Variants in GPC6 observed in about 807,000 individuals in gnomAD.
GPC6 encodes the protein glypican-6.
Under a neutral mutation model 55.2 loss-of-function variants are expected in GPC6, and 14 were observed. That is an observed-to-expected ratio of 0.25 (90% CI 0.17 to 0.40). The LOEUF (loss-of-function observed/expected upper bound fraction) is 0.40, where lower values mean the gene tolerates loss of function less well. Among genes scored for constraint, GPC6 ranks in the 10% least tolerant of loss-of-function variants. The pLI is 1.00. For missense variants in GPC6, 641 were observed against 708.5 expected (o/e 0.90, Z 1.08); for synonymous variants, 278 against 259.6 (o/e 1.07, Z -0.68).
chr13:93,706,265 C>G lies in GPC6; in HGVS notation c.320-123889C>G, dbSNP rs1018353859. Among the ~76,000 whole-genome samples the G allele has an allele frequency of 2.6e-5, 4 of 151,776 alleles. No individual in the cohort carries two copies. In the South Asian group the frequency reaches 8.3e-4, roughly 31 times the overall value. On this transcript the variant is annotated intron_variant, in intron 2 of 8. Coordinates refer to ENST00000377047, the MANE Select transcript of GPC6 (RefSeq NM_005708.5). Reference sequence around the variant, plus strand: ...TTAAATATTTTTGAAAATGCTTCTTCCTAAATAAAAAGATTAAGAAATGAA... The same window carrying G: ...TTAAATATTTTTGAAAATGCTTCTTGCTAAATAAAAAGATTAAGAAATGAA...
In GPC6 at chr13:94,026,748, C is replaced by T. The variant is rs561090416; in HGVS notation, c.712-981C>T. On this transcript the variant is annotated intron_variant, in intron 3 of 8. Transcript: ENST00000377047. Reference sequence around the variant, plus strand: ...TGGCTGAGGAGGTCTCAAGAAACTACAATCATGGCAGAAGGGGAAGCAAAC... The same window carrying T: ...TGGCTGAGGAGGTCTCAAGAAACTATAATCATGGCAGAAGGGGAAGCAAAC... 3.3e-5 allele frequency among the ~76,000 whole-genome samples: 5 copies of T among 152,060 alleles called. No individual in the cohort carries two copies. In the South Asian group the frequency reaches 8.3e-4, roughly 25 times the overall value.
At chr13:94,067,398 C>T (rs1481353552) in intron 4 of GPC6, among the ~76,000 whole-genome samples, 1 of 152,070 alleles carries the variant, frequency 6.6e-6, no homozygotes, top group Non-Finnish European at 1.5e-5. Flanking sequence ...CATTCCACAT[C>T]TGATATTCTT....
intron 2 of GPC6, among the ~76,000 whole-genome samples, chr13:93,773,479 G>A (rs538961839): frequency 7.2e-5 from 11 of 151,746 alleles, no homozygotes; most frequent in African/African-American, 9.7e-5. Context: ...TGTAGCTTAC[G>A]TACCCCAAAA....
intron 7 of GPC6, among the ~76,000 whole-genome samples, chr13:94,389,442 A>T (rs1414652418): frequency 6.6e-6 from 1 of 152,200 alleles, no homozygotes; most frequent in Non-Finnish European, 1.5e-5. Context: ...TAGCATATAC[A>T]GGTTAGAACT....
intron 6 of GPC6, among the ~76,000 whole-genome samples, chr13:94,330,067 A>G (rs1222062327): frequency 6.6e-6 from 1 of 152,234 alleles, no homozygotes; most frequent in East Asian, 1.9e-4. Context: ...ACACTGGAAC[A>G]GAGCAACTGT....
chr13:93,381,574 A>G (rs990410733), intron 1 of GPC6, among the ~76,000 whole-genome samples: 4 of 152,150 alleles, frequency 2.6e-5, no homozygotes, highest in African/African-American at 9.7e-5. Context: ...AACATGTCTC[A>G]CTGAGGCATT....
intron 6 of GPC6, among the ~76,000 whole-genome samples, chr13:94,348,131 T>C (rs1428729136): frequency 1.3e-5 from 2 of 152,218 alleles, no homozygotes; most frequent in African/African-American, 4.8e-5. Flanking sequence ...ATGGGTTTCT[T>C]TTAGCCTATA....
At chr13:93,386,911 C>T (rs1011514157) in intron 1 of GPC6, among the ~76,000 whole-genome samples, 2 of 152,144 alleles carry the variant, frequency 1.3e-5, no homozygotes, top group African/African-American at 4.8e-5. Context: ...CACACAACCT[C>T]CTTCCGTGTG....
intron 4 of GPC6, among the ~76,000 whole-genome samples, chr13:94,106,792 G>A (rs1381937087): frequency 6.6e-6 from 1 of 152,122 alleles, no homozygotes; most frequent in East Asian, 1.9e-4. Context: ...GATTAAAAGA[G>A]GAGAGATTGG....
intron 6 of GPC6, among the ~76,000 whole-genome samples, chr13:94,355,175 C>T (rs1473351770): frequency 6.6e-6 from 1 of 152,100 alleles, no homozygotes; most frequent in Non-Finnish European, 1.5e-5. Context: ...AGGCACCCAC[C>T]ACCACACCTG....
At chr13:93,558,146 T>C (rs1030724490) in intron 2 of GPC6, among the ~76,000 whole-genome samples, 1 of 152,186 alleles carries the variant, frequency 6.6e-6, no homozygotes, top group Admixed American at 6.5e-5. Context: ...GGGAAAAAAA[T>C]TTAGTTTTTC....
chr13:93,453,865 CTTCCACAGTGTGGAAGGGGACCTG>C (rs1328789875), intron 1 of GPC6, among the ~76,000 whole-genome samples: 12 of 152,094 alleles, frequency 7.9e-5, no homozygotes, highest in Non-Finnish European at 1.6e-4. Context: ...AAGAACAAAG[CTTCCACAGTGTGGAAGGGGACCTG>C]AGCGGGCTGC....
At chr13:94,204,797 C>T (rs1160914686) in intron 4 of GPC6, among the ~76,000 whole-genome samples, 3 of 152,096 alleles carry the variant, frequency 2.0e-5, no homozygotes, top group African/African-American at 4.8e-5. Flanking sequence ...TATAAGCAAC[C>T]GTATAGAACT....
chr13:94,083,715 G>A (rs1885187180), intron 4 of GPC6, among the ~76,000 whole-genome samples: 3 of 151,998 alleles, frequency 2.0e-5, no homozygotes, highest in African/African-American at 7.2e-5. Context: ...ATATCATTAA[G>A]ATTAATAAAG....
intron 2 of GPC6, among the ~76,000 whole-genome samples, chr13:93,733,590 T>A (rs1256960523): frequency 6.6e-6 from 1 of 151,254 alleles, no homozygotes; most frequent in Non-Finnish European, 1.5e-5. Flanking sequence ...AAAAAAAAAA[T>A]CTGAGAAGTC....
intron 1 of GPC6, among the ~76,000 whole-genome samples, chr13:93,285,644 G>GTA (rs1268323054): frequency 1.1e-4 from 17 of 149,116 alleles, no homozygotes; most frequent in African/African-American, 2.8e-4. Context: ...GTGTGTGTGT[G>GTA]TGTGTGTGTG....
chr13:93,349,774 T>A (rs1259253057), intron 1 of GPC6, among the ~76,000 whole-genome samples: 1 of 152,152 alleles, frequency 6.6e-6, no homozygotes, highest in Non-Finnish European at 1.5e-5. Context: ...TTTTAATTTT[T>A]CCATCCTTAT....
chr13:93,807,032 C>A (rs903908734), intron 2 of GPC6, among the ~76,000 whole-genome samples: 1 of 152,154 alleles, frequency 6.6e-6, no homozygotes, highest in Non-Finnish European at 1.5e-5. Context: ...ATAATAATAT[C>A]TTTGCAGCTC....
chr13:93,967,402 A>T (rs74946354), intron 3 of GPC6, among the ~76,000 whole-genome samples: 2,788 of 152,310 alleles, frequency 0.018, 98 homozygotes, highest in African/African-American at 0.064. Context: ...TAAAAACTGT[A>T]CTGTTTCCCA....
Sources: allele counts gnomAD v4.1 joint callset (sites outside exome capture counted in the v4.1 genomes callset), GRCh38; gene constraint gnomAD v4.1.1; transcripts MANE v1.5; gene names NCBI Gene and HGNC (gene_info 2026-07-23, HGNC 2026-07-21).